Variants in NLGN1 observed in about 807,000 individuals in gnomAD.
NLGN1 encodes neuroligin-1.
A neutral mutation model predicts 65.5 loss-of-function variants in NLGN1; 12 were observed. That is an observed-to-expected ratio of 0.18 (90% CI 0.12 to 0.30). The LOEUF (loss-of-function observed/expected upper bound fraction) is 0.30. Among genes scored for constraint, NLGN1 ranks in the 10% least tolerant of loss-of-function variants. The pLI, the probability that NLGN1 is intolerant of heterozygous loss-of-function variation, is 1.00. For synonymous variants in NLGN1, 350 were observed against 359.5 expected (o/e 0.97, Z 0.30); for missense variants, 750 against 1,007.1 (o/e 0.74, Z 3.46).
intron 1 of NLGN1, among the ~76,000 whole-genome samples, chr3:173,418,446 T>C (rs1394785212): frequency 6.6e-6 from 1 of 152,132 alleles, no homozygotes; most frequent in Non-Finnish European, 1.5e-5. Flanking sequence ...GTGCCTTCCA[T>C]AAAGGTCATA....
chr3:173,480,881 A>G (rs1386568801), intron 2 of NLGN1, among the ~76,000 whole-genome samples: 1 of 152,142 alleles, frequency 6.6e-6, no homozygotes, highest in Non-Finnish European at 1.5e-5. Context: ...TCAATTGGGT[A>G]TGAATAATAA....
chr3:174,022,656 G>T (rs1727977630), intron 4 of NLGN1, among the ~76,000 whole-genome samples: 1 of 152,174 alleles, frequency 6.6e-6, no homozygotes, highest in South Asian at 2.1e-4. Flanking sequence ...TCTCACACCA[G>T]TCAGAATGAC....
intron 3 of NLGN1, among the ~76,000 whole-genome samples, chr3:173,677,048 AAGG>A (rs1763264223): frequency 6.6e-6 from 1 of 152,110 alleles, no homozygotes; most frequent in Admixed American, 6.6e-5. Flanking sequence ...ATTTCCAGAG[AAGG>A]AGAATAGAGT....
intron 4 of NLGN1, among the ~76,000 whole-genome samples, chr3:173,950,532 A>G (rs1240023287): frequency 6.6e-6 from 1 of 152,146 alleles, no homozygotes; most frequent in Non-Finnish European, 1.5e-5. Context: ...GTCCTAAACA[A>G]CTGGGTGTGG....
At chr3:173,492,423 C>G (rs1402693175) in intron 2 of NLGN1, among the ~76,000 whole-genome samples, 4 of 151,550 alleles carry the variant, frequency 2.6e-5, no homozygotes, top group African/African-American at 9.8e-5. Flanking sequence ...GGTACATGCA[C>G]AATACTGCAG....
chr3:173,794,315 A>G (rs1713491314), intron 3 of NLGN1, among the ~76,000 whole-genome samples: 1 of 152,146 alleles, frequency 6.6e-6, no homozygotes, highest in Non-Finnish European at 1.5e-5. Flanking sequence ...TCTAATTTTC[A>G]TGAGTGTAGT....
At chr3:174,161,648 C>G (rs7646698) in intron 4 of NLGN1, among the ~76,000 whole-genome samples, 121,447 of 151,668 alleles carry the variant, frequency 0.8, 49,115 homozygotes, top group African/African-American at 0.92. Context: ...AGGAATTAGG[C>G]AGGGGTAAGG....
intron 4 of NLGN1, among the ~76,000 whole-genome samples, chr3:174,194,862 C>CTTTTTTTTTTTT (rs371935591): frequency 1.6e-5 from 2 of 127,650 alleles, no homozygotes; most frequent in Admixed American, 8.4e-5. Flanking sequence ...TTTCTTTTTT[C>CTTTTTTTTTTTT]TTTTTTCTTT....
At chr3:174,281,325 T>G (rs1461144586) in exon 7 of NLGN1, 9 of 1,379,280 alleles carry the variant, frequency 6.5e-6, no homozygotes, top group Non-Finnish European at 9.1e-6. Flanking sequence ...AAACAAACTA[T>G]TTTTTTTGAT....
At chr3:173,851,572 G>A (rs2150740045) in intron 4 of NLGN1, among the ~76,000 whole-genome samples, 1 of 152,236 alleles carries the variant, frequency 6.6e-6, no homozygotes, top group Non-Finnish European at 1.5e-5. Flanking sequence ...TAAGACAGTT[G>A]AAACTATTAA....
chr3:174,114,959 A>T (rs1228322330), intron 4 of NLGN1, among the ~76,000 whole-genome samples: 1 of 152,178 alleles, frequency 6.6e-6, no homozygotes, highest in Non-Finnish European at 1.5e-5. Context: ...GCTTAAGAGT[A>T]TATAGCCAAT....
At chr3:173,743,097 G>A (rs555069771) in intron 3 of NLGN1, among the ~76,000 whole-genome samples, 1 of 152,192 alleles carries the variant, frequency 6.6e-6, no homozygotes, top group East Asian at 1.9e-4. Flanking sequence ...AACTTGCATG[G>A]AACAGCTATT....
chr3:174,027,132 G>A (rs541728285), intron 4 of NLGN1, among the ~76,000 whole-genome samples: 1 of 150,578 alleles, frequency 6.6e-6, no homozygotes, highest in Non-Finnish European at 1.5e-5. Flanking sequence ...TCTTCACCAA[G>A]CCTTTAAAGC....
At chr3:174,006,889 G>A (rs150642847) in intron 4 of NLGN1, among the ~76,000 whole-genome samples, 1 of 152,000 alleles carries the variant, frequency 6.6e-6, no homozygotes, top group African/African-American at 2.4e-5. Context: ...GCTACATGGT[G>A]AAACCTCATC....
At chr3:173,703,337 A>G (rs1446433261) in intron 3 of NLGN1, among the ~76,000 whole-genome samples, 2 of 152,158 alleles carry the variant, frequency 1.3e-5, no homozygotes, top group African/African-American at 2.4e-5. Flanking sequence ...TGATGGGTTC[A>G]TTTTGTCTTC....
rs368928286 is a variant in NLGN1 at position 174,043,530 on chromosome 3, AG to A, written c.647-231784del. Among the ~76,000 whole-genome samples the A allele has an allele frequency of 6.4e-3, 982 of 152,358 alleles. 15 individuals carry two copies. Among genetic ancestry groups the A allele is most frequent in the African/African-American group, 0.021 (854 of 41,590 alleles). ...ACAAAGGAGCTACAGGCCCCATGCA[AG>A]CCCAAAATCCAATAGAGCATTCATT... On this transcript the variant is annotated intron_variant, in intron 4 of 6. Transcript: ENST00000457714.
At chr3:174,053,106 G>A (rs1178672308) in intron 4 of NLGN1, among the ~76,000 whole-genome samples, 2 of 151,814 alleles carry the variant, frequency 1.3e-5, no homozygotes, top group East Asian at 3.9e-4. Context: ...TCATTTTAGG[G>A]GGATAGTGTT....
chr3:174,272,012 G>A (rs1489788284), intron 4 of NLGN1, among the ~76,000 whole-genome samples: 2 of 151,492 alleles, frequency 1.3e-5, no homozygotes, highest in African/African-American at 4.8e-5. Context: ...AGTCATTATT[G>A]TTCTATTTTA....
intron 4 of NLGN1, among the ~76,000 whole-genome samples, chr3:174,136,803 T>C (rs1338109410): frequency 6.6e-6 from 1 of 152,154 alleles, no homozygotes; most frequent in African/African-American, 2.4e-5. Flanking sequence ...AATTAATTTT[T>C]ATCTTACAGA....
Sources: gnomAD v4.1 joint callset for allele counts (sites outside exome capture counted in the v4.1 genomes callset) on GRCh38, gnomAD v4.1.1 for gene constraint, MANE v1.5 for transcripts, NCBI Gene and HGNC (gene_info 2026-07-23, HGNC 2026-07-21) for gene names.